Variants in DNAH2 observed in about 807,000 individuals in gnomAD.
DNAH2 encodes the protein axonemal beta dynein heavy chain 2.
Under a neutral mutation model 523.5 loss-of-function variants are expected in DNAH2, and 323 were observed. The observed-to-expected ratio is 0.62, with a 90% confidence interval of 0.56 to 0.68. The LOEUF is 0.68. Among genes scored for constraint, DNAH2 ranks in the 30% least tolerant of loss-of-function variants. The probability of loss-of-function intolerance (pLI) is 0.00; values close to 1 mark genes in which losing one functional copy is unlikely to be tolerated. For synonymous variants in DNAH2, 2,093 were observed against 2,177.4 expected (o/e 0.96, Z 1.08); for missense variants, 4,907 against 5,701.5 (o/e 0.86, Z 4.49).
chr17:7,797,639 C>T, intron 52 of DNAH2, 41 bp from the exon 53 acceptor site: 1 of 1,613,870 alleles, frequency 6.2e-7, no homozygotes, highest in Non-Finnish European at 8.5e-7. Flanking sequence ...GGGAGGCAAA[C>T]CAGGCATTTG....
At position 7,740,664 on chromosome 17, in the gene DNAH2, C is replaced by A. The variant is rs879043545; in HGVS notation, c.1506+115C>A. On this transcript the variant is annotated intron_variant, in intron 10 of 85. Transcript: ENST00000572933. The stretch of plus-strand genomic sequence containing the variant: ...CCCTTCTCCATGTCCAGCATTCGGG[C>A]GCCTCTTGTCTTTCTTCTGTTCCCT... 6.5e-6 allele frequency: 10 copies of A among 1,538,046 alleles called. No individual in the cohort carries two copies. The South Asian group carries it at 8.7e-5, about 13-fold the overall frequency.
intron 13 of DNAH2, among the ~76,000 whole-genome samples, chr17:7,758,254 A>T (rs1597555966): frequency 6.6e-6 from 1 of 152,358 alleles, no homozygotes; most frequent in African/African-American, 2.4e-5. Flanking sequence ...CACACATCGC[A>T]TTAAGTTGGT....
At chr17:7,797,878 G>T in intron 53 of DNAH2, 49 bp downstream of exon 53, 1 of 1,560,742 alleles carries the variant, frequency 6.4e-7, no homozygotes, top group Non-Finnish European at 8.7e-7. Context: ...CAGTGATGGG[G>T]TATGTCTAAG....
Position 7,821,193 on chromosome 17 carries a change from C to A in DNAH2, c.11016-50C>A. 1 of 1,590,498 alleles carries A rather than the reference C, an allele frequency of 6.3e-7. No individual in the cohort carries two copies. Among genetic ancestry groups the A allele is most frequent in the Admixed American group, 1.7e-5 (1 of 58,814 alleles). ...GCATCATAGCATTCGCATGGAGCAT[C>A]AGCCCCCATTCCATGCTGCCCCTCC... On this transcript the variant is annotated intron_variant, in intron 72 of 85. Coordinates refer to ENST00000572933, the MANE Select transcript of DNAH2 (RefSeq NM_020877.5). This position sits in a 1 kb window ranked among gnomAD's most constrained non-coding sequence, Gnocchi z 5.0.
chr17:7,722,604 T>G (rs2074651931), intron 2 of DNAH2, among the ~76,000 whole-genome samples: 1 of 152,148 alleles, frequency 6.6e-6, no homozygotes. Flanking sequence ...ATTTTCTGTC[T>G]TTATGGATTT....
rs1382147724 is a variant in DNAH2 at position 7,759,955 on chromosome 17, G to T, written c.2785+17G>T. ...CAGTTGTGGGTGAGTGGGCAACGGG[G>T]AGGGCACAAGGCACAGGGTTTCAGA... is the stretch of plus-strand genomic sequence containing the variant. On this transcript the variant is annotated intron_variant, in intron 17 of 85. Transcript: ENST00000572933. The T allele has an allele frequency of 1.2e-6, 2 of 1,614,214 alleles. No homozygotes were observed. Among genetic ancestry groups the T allele is most frequent in the East Asian group, 2.2e-5 (1 of 44,886 alleles).
intron 63 of DNAH2, among the ~76,000 whole-genome samples, chr17:7,809,268 G>A (rs916505966): frequency 1.8e-4 from 28 of 152,108 alleles, no homozygotes; most frequent in Admixed American, 1.2e-3. Context: ...TCACTGGCTC[G>A]TCACCGTCAG....
At chr17:7,791,822 G>T (rs1227052636) in intron 44 of DNAH2, 95 bp from the exon 45 acceptor site, 6 of 1,224,796 alleles carry the variant, frequency 4.9e-6, no homozygotes, top group Non-Finnish European at 6.8e-6. Flanking sequence ...GAAGGAGGAA[G>T]ACCCAGGCTT....
At chr17:7,741,389 A>G (rs1440159050) in intron 11 of DNAH2, among the ~76,000 whole-genome samples, 1 of 139,576 alleles carries the variant, frequency 7.2e-6, no homozygotes, top group Non-Finnish European at 1.5e-5. Context: ...ACGGAGTCTC[A>G]CACTGTCGCC....
chr17:7,774,470 G>A (rs190986496), intron 28 of DNAH2, among the ~76,000 whole-genome samples: 17 of 152,324 alleles, frequency 1.1e-4, no homozygotes, highest in Admixed American at 2.6e-4. Flanking sequence ...ACCATGGGAC[G>A]TGAAACTGTG....
At chr17:7,830,165 A>G in intron 77 of DNAH2, 135 bp from the exon 78 acceptor site, 1 of 876,850 alleles carries the variant, frequency 1.1e-6, no homozygotes, top group South Asian at 1.8e-5. Context: ...ATCAACGGCT[A>G]CATTTCAGCC....
Position 7,759,605 on chromosome 17 carries a change from G to T in DNAH2, c.2632G>T (p.Ala878Ser). 2.5e-6 allele frequency: 4 copies of T among 1,613,374 alleles called. No individual in the cohort carries two copies. In the South Asian group the frequency reaches 4.4e-5, roughly 18 times the overall value. The change falls in exon 16 of 86, where the codon GCA becomes TCA. Residue 878 changes from alanine (A) to serine (S), a missense_variant. By Grantham distance (99) the Ala-to-Ser change is moderately conservative. Coordinates refer to ENST00000572933, the MANE Select transcript of DNAH2 (RefSeq NM_020877.5). ...GAAGAATGATCTGCAAGGAAGTGTG[G>T]CACAGGTAAGAACCACTTTGCCCCC... ...ILKNDLQGSV[A>S]QVEFSPTLQT...
Position 7,740,491 on chromosome 17 carries a change from G to C in DNAH2, c.1448G>C (p.Arg483Pro). Reference protein sequence around the residue: ...NLITSAFELVRDVPHGVLLLD... With the variant: ...NLITSAFELVPDVPHGVLLLD... Reference sequence around the variant, plus strand: ...ATCACCTCAGCCTTCGAGTTGGTGCGGGACGTGCCGCACGGCGTGCTTCTG... The same window carrying C: ...ATCACCTCAGCCTTCGAGTTGGTGCCGGACGTGCCGCACGGCGTGCTTCTG... Residue 483 changes from arginine to proline, a missense_variant, in exon 10 of 86, where the codon CGG becomes CCG. Coordinates refer to ENST00000572933, the MANE Select transcript of DNAH2 (RefSeq NM_020877.5). 6.2e-7 allele frequency: 1 copy of C among 1,614,186 alleles called. No individual in the cohort carries two copies. Among genetic ancestry groups the C allele is most frequent in the Non-Finnish European group, 8.5e-7 (1 of 1,180,032 alleles).
At chr17:7,753,154 C>T (rs1028460890) in intron 12 of DNAH2, among the ~76,000 whole-genome samples, 1 of 152,170 alleles carries the variant, frequency 6.6e-6, no homozygotes, top group Non-Finnish European at 1.5e-5. Flanking sequence ...GGTTGGATGT[C>T]GGAAAGTAAG....
chr17:7,793,461 T>TTC (rs780214496), intron 48 of DNAH2, among the ~76,000 whole-genome samples: 12 of 122,656 alleles, frequency 9.8e-5, no homozygotes, highest in Non-Finnish European at 1.9e-4. Flanking sequence ...CTTTCTTTCT[T>TTC]TCTTTCTTTC....
At chr17:7,804,871 T>G in intron 59 of DNAH2, 87 bp from the exon 60 acceptor site, 2 of 1,232,866 alleles carry the variant, frequency 1.6e-6, no homozygotes, top group Non-Finnish European at 2.3e-6. Flanking sequence ...TTCTTTAGCT[T>G]TCTCTTTCAT....
chr17:7,813,112 T>C (rs2077565688), intron 63 of DNAH2, among the ~76,000 whole-genome samples: 1 of 152,190 alleles, frequency 6.6e-6, no homozygotes, highest in African/African-American at 2.4e-5. Context: ...GAGGAAGATC[T>C]TTCATATCCT....
At position 7,765,442 on chromosome 17, in the gene DNAH2, A is replaced by T. The variant is rs752839657; in HGVS notation, c.3388A>T (p.Thr1130Ser). Residue 1130 changes from threonine to serine, a missense_variant, in exon 21 of 86, where the codon ACT (threonine) becomes TCT (serine). Thr to Ser is a moderately conservative substitution (Grantham distance 58). Around this residue, in one of 3 missense-constraint regions of DNAH2, gnomAD observed 2,806 missense variants for 3,190.8 expected, o/e 0.88. Coordinates refer to ENST00000572933, the MANE Select transcript of DNAH2 (RefSeq NM_020877.5). ...LNGEWVVFQQ[T>S]LLDSKQMLKK... is the part of the protein sequence containing the mutation. ...CGGGGAGTGGGTTGTCTTCCAACAA[A>T]CTCTGCTGGACAGTAAGCAAATGCT... is the stretch of plus-strand genomic sequence containing the variant. The T allele has an allele frequency of 6.2e-6, 10 of 1,614,102 alleles. No homozygotes were observed. In the African/African-American group the frequency reaches 1.2e-4, roughly 19 times the overall value.
intron 65 of DNAH2, 53 bp downstream of exon 65, chr17:7,817,468 A>G: frequency 1.2e-6 from 2 of 1,613,314 alleles, no homozygotes; most frequent in South Asian, 2.2e-5. Context: ...GGCTGGGGGC[A>G]GGACCTTTGG....
Sources: allele counts gnomAD v4.1 joint callset (sites outside exome capture counted in the v4.1 genomes callset), GRCh38; gene constraint gnomAD v4.1.1; regional missense constraint gnomAD v4.1.1; non-coding constraint Gnocchi (gnomAD v3.1); transcripts MANE v1.5; gene names NCBI Gene and HGNC (gene_info 2026-07-23, HGNC 2026-07-21).